The following KSR2 variants were observed in gnomAD, a reference collection of about 807,000 sequenced individuals.
The protein encoded by KSR2 is kinase suppressor of ras 2.
Under a neutral mutation model 107.8 loss-of-function variants are expected in KSR2, and 25 were observed. The ratio of observed to expected loss-of-function variants is 0.23; its 90% confidence interval spans 0.17 to 0.32. KSR2 has a LOEUF of 0.32. Ranked by LOEUF, KSR2 falls within the 10% of genes least tolerant of loss-of-function variation. The probability of loss-of-function intolerance (pLI) is 1.00; values close to 1 mark genes in which losing one functional copy is unlikely to be tolerated. For missense variants in KSR2, 887 were observed against 1,268.9 expected (o/e 0.70, Z 4.57); for synonymous variants, 480 against 507.0 (o/e 0.95, Z 0.71).
intron 8 of KSR2, among the ~76,000 whole-genome samples, chr12:117,556,936 G>A (rs1419220851): frequency 6.6e-6 from 1 of 152,190 alleles, no homozygotes; most frequent in Non-Finnish European, 1.5e-5. Context: ...GGAGGCAGAG[G>A]TGGGTGGATC....
At chr12:117,784,475 T>A (rs1417024570) in intron 3 of KSR2, among the ~76,000 whole-genome samples, 1 of 152,220 alleles carries the variant, frequency 6.6e-6, no homozygotes, top group Admixed American at 6.5e-5. Flanking sequence ...CTCACGTATG[T>A]CTTTATTAGC....
At position 117,786,164 on chromosome 12, in the gene KSR2, CT is replaced by C. The variant is rs967141228; in HGVS notation, c.473-24641del. 4.9e-4 allele frequency among the ~76,000 whole-genome samples: 74 copies of C among 151,048 alleles called. 1 individual carries two copies. Among genetic ancestry groups the C allele is most frequent in the Non-Finnish European group, 8.4e-4 (57 of 67,738 alleles). On this transcript the variant is annotated intron_variant, in intron 3 of 19. Transcript: ENST00000339824. ...TATGAAAGACAAGTTACTAGAACATCTTTTTTTTTGCAGATAAATTTTGACA... is the reference window on the plus strand; with the variant it reads ...TATGAAAGACAAGTTACTAGAACATCTTTTTTTTGCAGATAAATTTTGACA...
Position 117,466,904 on chromosome 12 carries a change from G to A in KSR2, c.*295C>T, listed in dbSNP as rs12813801. 42,627 of 361,662 alleles carry A rather than the reference G, an allele frequency of 0.12. 2,558 individuals carry two copies. The highest frequency in any genetic ancestry group is 0.14 in the East Asian group (3,567 of 24,936). 22.4% of individuals were successfully genotyped at this position (361,662 alleles called of 1,614,324 possible). A position where few individuals can be genotyped will look rare whatever the true frequency, so the allele number is the denominator to read the frequency against. ...TAGTCCCATAGCCCAAAGGCACCAC[G>A]TGCAGCCTGCAGTGCTCTCATTAGT... On this transcript the variant is annotated 3_prime_UTR_variant, in exon 20 of 20. Transcript: ENST00000339824.
chr12:117,856,083 T>C (rs1225047695), intron 2 of KSR2, among the ~76,000 whole-genome samples: 1 of 152,104 alleles, frequency 6.6e-6, no homozygotes, highest in Non-Finnish European at 1.5e-5. Flanking sequence ...CTCACACTGG[T>C]CTTCAGAAAC....
intron 14 of KSR2, among the ~76,000 whole-genome samples, chr12:117,495,014 T>A (rs1384097085): frequency 6.6e-6 from 1 of 152,204 alleles, no homozygotes; most frequent in Non-Finnish European, 1.5e-5. Context: ...TCTACAGGTG[T>A]TTGCCTTCCA....
chr12:117,807,414 A>C (rs1034953372), intron 3 of KSR2, among the ~76,000 whole-genome samples: 4 of 152,236 alleles, frequency 2.6e-5, no homozygotes, highest in African/African-American at 9.7e-5. Context: ...GGTTCCACCG[A>C]ATAATACTAT....
intron 4 of KSR2, among the ~76,000 whole-genome samples, chr12:117,702,624 G>A (rs939028859): frequency 6.6e-6 from 1 of 152,132 alleles, no homozygotes; most frequent in African/African-American, 2.4e-5. Context: ...GTGTCAAACC[G>A]GGACATTGAC....
intron 6 of KSR2, among the ~76,000 whole-genome samples, chr12:117,579,626 G>A (rs556946880): frequency 1.4e-4 from 22 of 152,336 alleles, no homozygotes; most frequent in Non-Finnish European, 2.8e-4. Flanking sequence ...ACTGCCTGTA[G>A]AAAGCTACAA....
At chr12:117,694,432 C>T (rs1565964982) in intron 4 of KSR2, among the ~76,000 whole-genome samples, 1 of 152,164 alleles carries the variant, frequency 6.6e-6, no homozygotes, top group African/African-American at 2.4e-5. Context: ...GTGAGGCCTC[C>T]CCAGCCACAT....
chr12:117,817,430 C>T (rs1891413384), intron 3 of KSR2, among the ~76,000 whole-genome samples: 1 of 152,028 alleles, frequency 6.6e-6, no homozygotes, highest in Admixed American at 6.6e-5. Context: ...AATTAGACGG[C>T]TCTAATTAAT....
At chr12:117,755,210 G>A (rs923397453) in intron 4 of KSR2, among the ~76,000 whole-genome samples, 2 of 152,172 alleles carry the variant, frequency 1.3e-5, no homozygotes, top group South Asian at 2.1e-4. Flanking sequence ...AGCCTCCAGC[G>A]GGGTAAAAAG....
chr12:117,881,853 C>T (rs1383473810), intron 1 of KSR2, among the ~76,000 whole-genome samples: 1 of 152,176 alleles, frequency 6.6e-6, no homozygotes, highest in Non-Finnish European at 1.5e-5. Flanking sequence ...CTCAATGCAT[C>T]TTTGCCCAAT....
At chr12:117,494,278 G>T (rs1480034368) in intron 14 of KSR2, among the ~76,000 whole-genome samples, 1 of 148,556 alleles carries the variant, frequency 6.7e-6, no homozygotes, top group East Asian at 1.9e-4. Flanking sequence ...ACCACACCTG[G>T]TCTACTTCCT....
chr12:117,877,891 A>G (rs1263815052), intron 1 of KSR2, among the ~76,000 whole-genome samples: 1 of 152,210 alleles, frequency 6.6e-6, no homozygotes, highest in Non-Finnish European at 1.5e-5. Context: ...TTTCTTGTCA[A>G]CAAGGTCCCC....
At chr12:117,595,857 T>C (rs1412019072) in intron 5 of KSR2, among the ~76,000 whole-genome samples, 1 of 152,222 alleles carries the variant, frequency 6.6e-6, no homozygotes, top group African/African-American at 2.4e-5. Context: ...ACCGTTCCAA[T>C]GTCCCACAGC....
Position 117,501,824 on chromosome 12 carries a change from T to G in KSR2, c.2220-16133A>C, listed in dbSNP as rs74528790. Among the ~76,000 whole-genome samples, 106 of 152,350 alleles carry G rather than the reference T, an allele frequency of 7.0e-4. 3 individuals are homozygous for G. The East Asian group carries it at 0.019, about 27-fold the overall frequency. Reference sequence around the variant, plus strand: ...ACACAATCACTCAAACGTGGAAGCATATGTCAAGTCCATGTTTTCTGCCTC... The same window carrying G: ...ACACAATCACTCAAACGTGGAAGCAGATGTCAAGTCCATGTTTTCTGCCTC... On this transcript the variant is annotated intron_variant, in intron 14 of 19. Transcript: ENST00000339824.
intron 4 of KSR2, among the ~76,000 whole-genome samples, chr12:117,692,730 A>G (rs1268906379): frequency 6.6e-6 from 1 of 152,060 alleles, no homozygotes; most frequent in Non-Finnish European, 1.5e-5. Flanking sequence ...CATAAAAAAG[A>G]ACACGATTTG....
chr12:117,931,192 T>A (rs1285752879), intron 1 of KSR2, among the ~76,000 whole-genome samples: 1 of 152,142 alleles, frequency 6.6e-6, no homozygotes, highest in East Asian at 1.9e-4. Flanking sequence ...ATTTTCATTT[T>A]AAAGGATCTC....
At chr12:117,763,206 C>A (rs1291195827) in intron 3 of KSR2, among the ~76,000 whole-genome samples, 2 of 151,898 alleles carry the variant, frequency 1.3e-5, no homozygotes, top group Non-Finnish European at 2.9e-5. Context: ...CATGTCCCTA[C>A]AAAGGACATG....
Sources: gnomAD v4.1 joint callset for allele counts (sites outside exome capture counted in the v4.1 genomes callset) on GRCh38, gnomAD v4.1.1 for gene constraint, MANE v1.5 for transcripts, NCBI Gene and HGNC (gene_info 2026-07-23, HGNC 2026-07-21) for gene names.